Variants in ERGIC1 observed in about 807,000 individuals in gnomAD.
The protein encoded by ERGIC1 is endoplasmic reticulum-golgi intermediate compartment 1, also known as endoplasmic reticulum-Golgi intermediate compartment protein 1.
ERGIC1 carries 19 observed loss-of-function variants against 38.3 expected under a neutral mutation model. The ratio of observed to expected loss-of-function variants is 0.50; its 90% CI spans 0.35 to 0.73. ERGIC1 has a LOEUF of 0.73. Among genes scored for constraint, ERGIC1 ranks in the 30% least tolerant of loss-of-function variants. The pLI, the probability that ERGIC1 is intolerant of heterozygous loss-of-function variation, is 0.01. For missense variants in ERGIC1, 294 were observed against 389.2 expected, an observed-to-expected ratio of 0.76 and a Z score of 2.06; for synonymous variants, 124 against 157.6, an observed-to-expected ratio of 0.79 and a Z score of 1.60.
intron 1 of ERGIC1, among the ~76,000 whole-genome samples, chr5:172,844,044 G>A (rs550806160): frequency 4.7e-4 from 72 of 152,344 alleles, no homozygotes; most frequent in African/African-American, 1.6e-3. Flanking sequence ...CTTCTGGTAG[G>A]TGGACGTGGT....
intron 6 of ERGIC1, among the ~76,000 whole-genome samples, chr5:172,924,677 A>G (rs1171844620): frequency 2.6e-5 from 4 of 152,160 alleles, no homozygotes; most frequent in Admixed American, 1.3e-4. Context: ...GCGGTCTCGC[A>G]TTGCCACGTG....
At chr5:172,857,148 A>G (rs1450659946) in intron 1 of ERGIC1, among the ~76,000 whole-genome samples, 1 of 152,188 alleles carries the variant, frequency 6.6e-6, no homozygotes, top group Non-Finnish European at 1.5e-5. Flanking sequence ...TGTTTTATGT[A>G]TCTTAAATTA....
At position 172,914,848 on chromosome 5, in the gene ERGIC1, C is replaced by A. The variant is rs1763317648; in HGVS notation, c.375+10C>A. On this transcript the variant is annotated intron_variant, in intron 5 of 9. Coordinates refer to ENST00000393784, the MANE Select transcript of ERGIC1 (RefSeq NM_001031711.3). ...GTTCAGCATCAACAAGGTATGGAAGCCCTGCCTCAGCCCTTTCTACCTGCT... is the reference window on the plus strand; with the variant it reads ...GTTCAGCATCAACAAGGTATGGAAGACCTGCCTCAGCCCTTTCTACCTGCT... The A allele has an allele frequency of 6.2e-7, 1 of 1,614,112 alleles. No individual in the cohort carries two copies. Among genetic ancestry groups the A allele is most frequent in the Non-Finnish European group, 8.5e-7 (1 of 1,179,990 alleles).
In ERGIC1 at chr5:172,935,263, G is replaced by A. The variant is rs1233890537; in HGVS notation, c.718G>A (p.Val240Ile). The change falls in exon 9 of 10, where the codon GTC (valine) becomes ATC (isoleucine). Residue 240 changes from valine to isoleucine, a missense_variant. Val to Ile is a conservative substitution (Grantham distance 29). This residue lies in a region of ERGIC1 where 109 missense variants were observed against 112.7 expected (regional missense o/e 0.97). Coordinates refer to ENST00000393784, the MANE Select transcript of ERGIC1 (RefSeq NM_001031711.3). ...WFRYDLSPITVKYTERRQPLY... is the reference protein window; with the variant it reads ...WFRYDLSPITIKYTERRQPLY... ...CCGCTACGACCTCAGCCCCATCACGGTCAAGTACACAGAGAGACGGCAGCC... is the reference window on the plus strand; with the variant it reads ...CCGCTACGACCTCAGCCCCATCACGATCAAGTACACAGAGAGACGGCAGCC... The A allele has an allele frequency of 6.2e-7, 1 of 1,614,166 alleles. No individual in the cohort carries two copies. Among genetic ancestry groups the A allele is most frequent in the Non-Finnish European group, 8.5e-7 (1 of 1,180,040 alleles).
chr5:172,906,724 G>A (rs547713109), intron 3 of ERGIC1, among the ~76,000 whole-genome samples: 1 of 152,278 alleles, frequency 6.6e-6, no homozygotes, highest in African/African-American at 2.4e-5. Context: ...ATAGCCTAGG[G>A]ACTGGACCCA....
At chr5:172,882,909 A>G (rs1762319675) in intron 1 of ERGIC1, among the ~76,000 whole-genome samples, 1 of 152,092 alleles carries the variant, frequency 6.6e-6, no homozygotes, top group Admixed American at 6.6e-5. Flanking sequence ...ACAACAGGCT[A>G]AGTGGGGTGG....
chr5:172,930,413 G>C (rs1472657789), intron 7 of ERGIC1, among the ~76,000 whole-genome samples: 1 of 150,530 alleles, frequency 6.6e-6, no homozygotes, highest in Non-Finnish European at 1.5e-5. Flanking sequence ...TGCAGTGGCA[G>C]CTCACTGCAA....
intron 6 of ERGIC1, 147 bp downstream of exon 6, chr5:172,924,256 AC>A: frequency 2.6e-6 from 2 of 774,242 alleles, no homozygotes; most frequent in Non-Finnish European, 4.3e-6. Flanking sequence ...GAAGGGTTTC[AC>A]CAGGAACAGA....
chr5:172,856,904 A>G (rs559624481), intron 1 of ERGIC1, among the ~76,000 whole-genome samples: 2 of 152,314 alleles, frequency 1.3e-5, no homozygotes, highest in African/African-American at 4.8e-5. Context: ...CGGTTGTGTG[A>G]AACGTAATTA....
At chr5:172,861,798 T>C (rs1761706936) in intron 1 of ERGIC1, among the ~76,000 whole-genome samples, 1 of 151,706 alleles carries the variant, frequency 6.6e-6, no homozygotes, top group Non-Finnish European at 1.5e-5. Context: ...AAACTCAGGG[T>C]GATTGGTGGG....
intron 9 of ERGIC1, among the ~76,000 whole-genome samples, chr5:172,944,279 T>C (rs559445005): frequency 6.6e-6 from 1 of 152,118 alleles, no homozygotes; most frequent in East Asian, 1.9e-4. Context: ...GGTTGGGAGA[T>C]ACAAGAGCGT....
rs754687784 is a variant in ERGIC1, at chr5:172,867,150, T to A, written c.21-21549T>A. 36 of 453,730 alleles carry A rather than the reference T, an allele frequency of 7.9e-5. No homozygotes were observed. The Middle Eastern group carries it at 1.6e-3, about 21-fold the overall frequency. The allele number at this position is 453,730 out of a possible 1,614,324, so 28.1% of individuals were successfully genotyped here. Reference sequence around the variant, plus strand: ...GCAAGCCAAGGGTTTGAGTTCCACCTCCAGTGCTTGCCAGCAATGCCACCT... The same window carrying A: ...GCAAGCCAAGGGTTTGAGTTCCACCACCAGTGCTTGCCAGCAATGCCACCT... On this transcript the variant is annotated intron_variant, in intron 1 of 9. Transcript: ENST00000393784.
At chr5:172,842,397 G>A (rs910970120) in intron 1 of ERGIC1, among the ~76,000 whole-genome samples, 1 of 152,160 alleles carries the variant, frequency 6.6e-6, no homozygotes, top group African/African-American at 2.4e-5. Context: ...ATTTCAAGGT[G>A]TATATATACC....
At chr5:172,892,064 T>TG (rs1762576917) in intron 2 of ERGIC1, among the ~76,000 whole-genome samples, 1 of 40,530 alleles carries the variant, frequency 2.5e-5, no homozygotes, top group South Asian at 7.8e-4. Context: ...AAGAGTATGT[T>TG]TTTTTTTTTT....
intron 2 of ERGIC1, among the ~76,000 whole-genome samples, chr5:172,889,662 T>G (rs1581544651): frequency 6.6e-6 from 1 of 152,304 alleles, no homozygotes; most frequent in East Asian, 1.9e-4. Context: ...TGGGTCCTAA[T>G]TGATATCAAT....
chr5:172,852,340 C>T (rs1344917540), intron 1 of ERGIC1, among the ~76,000 whole-genome samples: 1 of 152,198 alleles, frequency 6.6e-6, no homozygotes, highest in African/African-American at 2.4e-5. Flanking sequence ...CTGGTTTCTG[C>T]TGGCTGATGT....
At chr5:172,930,023 C>T (rs1763739848) in intron 7 of ERGIC1, among the ~76,000 whole-genome samples, 1 of 151,970 alleles carries the variant, frequency 6.6e-6, no homozygotes, top group Non-Finnish European at 1.5e-5. Flanking sequence ...CCCATCTCTA[C>T]TAAAAATACA....
At chr5:172,864,477 C>G (rs755922224) in intron 1 of ERGIC1, among the ~76,000 whole-genome samples, 15 of 151,872 alleles carry the variant, frequency 9.9e-5, no homozygotes, top group Non-Finnish European at 1.9e-4. Flanking sequence ...CCCTGTTGGC[C>G]AGGCTGGGTC....
At chr5:172,899,987 C>T (rs774021455) in intron 3 of ERGIC1, among the ~76,000 whole-genome samples, 1 of 152,190 alleles carries the variant, frequency 6.6e-6, no homozygotes, top group Non-Finnish European at 1.5e-5. Context: ...AAGGCCGCTC[C>T]GCACCAGGCA....
Sources: gnomAD v4.1 joint callset for allele counts (sites outside exome capture counted in the v4.1 genomes callset) on GRCh38, gnomAD v4.1.1 for gene constraint, gnomAD v4.1.1 regional missense constraint, MANE v1.5 for transcripts, NCBI Gene and HGNC (gene_info 2026-07-23, HGNC 2026-07-21) for gene names.